NFIB: variants seen among roughly 807,000 people sequenced by gnomAD.
NFIB encodes nuclear factor 1 B-type.
NFIB carries 11 observed loss-of-function variants against 61.5 expected under a neutral mutation model. The ratio of observed to expected loss-of-function variants is 0.18; its 90% confidence interval spans 0.11 to 0.30. The LOEUF is 0.30. Among genes scored for constraint, NFIB ranks in the 10% least tolerant of loss-of-function variants. The pLI is 1.00. For missense variants in NFIB, 471 were observed against 608.9 expected (o/e 0.77, Z 2.38); for synonymous variants, 260 against 216.5 (o/e 1.20, Z -1.76).
intron 2 of NFIB, among the ~76,000 whole-genome samples, chr9:14,221,675 G>A (rs1715280073): frequency 6.6e-6 from 1 of 152,138 alleles, no homozygotes; most frequent in Non-Finnish European, 1.5e-5. Flanking sequence ...AACAGCCAGG[G>A]TAAGACCCAC....
chr9:14,348,688 C>T (rs1213226979), intron 1 of NFIB, among the ~76,000 whole-genome samples: 1 of 152,188 alleles, frequency 6.6e-6, no homozygotes, highest in Non-Finnish European at 1.5e-5. Flanking sequence ...GGGTGCCACG[C>T]GAAGAGAGAG....
chr9:14,363,894 A>G (rs1224486626), intron 1 of NFIB, among the ~76,000 whole-genome samples: 1 of 152,140 alleles, frequency 6.6e-6, no homozygotes, highest in Non-Finnish European at 1.5e-5. Flanking sequence ...TTAATCTTCT[A>G]TTAAATAGCT....
intron 8 of NFIB, among the ~76,000 whole-genome samples, chr9:14,117,061 TAC>T (rs999031049): frequency 1.3e-5 from 2 of 152,244 alleles, no homozygotes; most frequent in Non-Finnish European, 2.9e-5. Flanking sequence ...AATGCTGAGC[TAC>T]GTTTGTCCTT....
At chr9:14,254,634 C>T (rs1000733972) in intron 2 of NFIB, among the ~76,000 whole-genome samples, 2 of 152,172 alleles carry the variant, frequency 1.3e-5, no homozygotes, top group African/African-American at 4.8e-5. Flanking sequence ...TCCACTGATC[C>T]AAAAGCCCAT....
At chr9:14,187,017 G>T (rs1199645228) in intron 2 of NFIB, among the ~76,000 whole-genome samples, 3 of 37,524 alleles carry the variant, frequency 8.0e-5, no homozygotes, top group African/African-American at 2.1e-4. Flanking sequence ...GTGTGTGTGT[G>T]TGTGTGTGTA....
chr9:14,262,046 C>G (rs1035372510), intron 2 of NFIB, among the ~76,000 whole-genome samples: 13 of 152,014 alleles, frequency 8.6e-5, no homozygotes, highest in Admixed American at 8.5e-4. Context: ...TTTGGTGTAT[C>G]GGTTTCTGAG....
chr9:14,264,859 T>A (rs1162685823), intron 2 of NFIB, among the ~76,000 whole-genome samples: 1 of 151,694 alleles, frequency 6.6e-6, no homozygotes. Flanking sequence ...CCCAAGCAGA[T>A]AATAATCTAA....
At chr9:14,226,544 T>C (rs1311705836) in intron 2 of NFIB, among the ~76,000 whole-genome samples, 1 of 142,312 alleles carries the variant, frequency 7.0e-6, no homozygotes, top group African/African-American at 2.6e-5. Flanking sequence ...CAAGACCCTA[T>C]CTCAGAAAAA....
chr9:14,247,031 T>C (rs1344363803), intron 2 of NFIB, among the ~76,000 whole-genome samples: 2 of 152,026 alleles, frequency 1.3e-5, no homozygotes, highest in South Asian at 2.1e-4. Flanking sequence ...TGAGACACAA[T>C]AAGCAGGTGG....
rs372536644 is a variant in NFIB at position 14,216,546 on chromosome 9, C to CTGTG, written c.563-36770_563-36767dup. On this transcript the variant is annotated intron_variant, in intron 2 of 10. Coordinates refer to ENST00000380953, the MANE Select transcript of NFIB (RefSeq NM_001190737.2). ...TCTCTCTCTCTCTCTCTCTCTCCCT[C>CTGTG]TGTGTGTGTGTGTGTGTGTGTGTGT... is the stretch of plus-strand genomic sequence containing the variant. Among the ~76,000 whole-genome samples, 163 of 21,540 alleles carry CTGTG rather than the reference C, an allele frequency of 7.6e-3. 9 individuals carry two copies. Among genetic ancestry groups the CTGTG allele is most frequent in the East Asian group, 0.014 (46 of 3,182 alleles). The allele number at this position is 21,540 out of a possible 152,430, so 14.1% of individuals were successfully genotyped here. A position where few individuals can be genotyped will look rare whatever the true frequency, so the allele number is the denominator to read the frequency against.
rs142304374 is a variant in NFIB, at chr9:14,335,415, G to A, written c.109-27895C>T. On this transcript the variant is annotated intron_variant, in intron 1 of 8. Coordinates refer to the NFIB transcript ENST00000380934. Reference sequence around the variant, plus strand: ...GTATGTAGTGTATCCCATTATCACCGTAGTATTTGTCTCCTTAATAAATAA... The same window carrying A: ...GTATGTAGTGTATCCCATTATCACCATAGTATTTGTCTCCTTAATAAATAA... 5.3e-3 allele frequency among the ~76,000 whole-genome samples: 807 copies of A among 152,208 alleles called. 7 individuals carry two copies. The highest frequency in any genetic ancestry group is 0.018 in the African/African-American group (738 of 41,536).
the NFIB span, among the ~76,000 whole-genome samples, chr9:14,516,513 T>A: frequency 1.7e-4 from 26 of 152,208 alleles, no homozygotes; most frequent in African/African-American, 5.8e-4. Flanking sequence ...AATCACCCTA[T>A]CTTTTACACA....
At chr9:14,206,260 C>T (rs2131678641) in intron 2 of NFIB, among the ~76,000 whole-genome samples, 1 of 151,452 alleles carries the variant, frequency 6.6e-6, no homozygotes, top group Non-Finnish European at 1.5e-5. Flanking sequence ...CTCGCAACCT[C>T]CGCCTCCCAA....
the NFIB span, among the ~76,000 whole-genome samples, chr9:14,488,239 T>A: frequency 6.6e-6 from 1 of 152,008 alleles, no homozygotes; most frequent in Non-Finnish European, 1.5e-5. Context: ...GGCCCAAGCC[T>A]GTAGTCCCAA....
chr9:14,146,477 A>C (rs1284225971), intron 6 of NFIB, among the ~76,000 whole-genome samples: 1 of 152,164 alleles, frequency 6.6e-6, no homozygotes, highest in Non-Finnish European at 1.5e-5. Context: ...TCTAAAAAAA[A>C]CTCCAACGAA....
intron 2 of NFIB, among the ~76,000 whole-genome samples, chr9:14,281,836 C>A (rs1204384465): frequency 6.6e-6 from 1 of 151,312 alleles, no homozygotes; most frequent in Non-Finnish European, 1.5e-5. Flanking sequence ...CACACACGTG[C>A]ACACCCCACA....
At chr9:14,237,768 G>GTGTGTC (rs2053904611) in intron 2 of NFIB, among the ~76,000 whole-genome samples, 2 of 20,802 alleles carry the variant, frequency 9.6e-5, no homozygotes, top group African/African-American at 2.2e-4. Flanking sequence ...ATAACAGTGT[G>GTGTGTC]TGTGTGTGTG....
chr9:14,291,009 C>T (rs1216504322), intron 2 of NFIB, among the ~76,000 whole-genome samples: 1 of 152,090 alleles, frequency 6.6e-6, no homozygotes, highest in Non-Finnish European at 1.5e-5. Flanking sequence ...TTCAAACTTT[C>T]ACCATATACT....
intron 2 of NFIB, among the ~76,000 whole-genome samples, chr9:14,298,810 C>G (rs1427670550): frequency 1.3e-5 from 2 of 152,198 alleles, no homozygotes; most frequent in Non-Finnish European, 2.9e-5. Context: ...ATTCAGGTAG[C>G]AACTTAGCCA....
Sources: allele counts gnomAD v4.1 joint callset (sites outside exome capture counted in the v4.1 genomes callset), GRCh38; gene constraint gnomAD v4.1.1; transcripts MANE v1.5; gene names NCBI Gene and HGNC (gene_info 2026-07-23, HGNC 2026-07-21).